Variants in ACAP2 observed in about 807,000 individuals in gnomAD.
The protein encoded by ACAP2 is arf-GAP with coiled-coil, ANK repeat and PH domain-containing protein 2.
A neutral mutation model predicts 115.8 loss-of-function variants in ACAP2; 39 were observed. The observed-to-expected ratio is 0.34, with a 90% confidence interval of 0.26 to 0.44. The LOEUF (loss-of-function observed/expected upper bound fraction) is 0.44. Among genes scored for constraint, ACAP2 ranks in the 20% least tolerant of loss-of-function variants. ACAP2 has a pLI of 1.00. For synonymous variants in ACAP2, 289 were observed against 315.8 expected (o/e 0.92, Z 0.90); for missense variants, 662 against 927.6 (o/e 0.71, Z 3.72).
intron 4 of ACAP2, among the ~76,000 whole-genome samples, chr3:195,350,649 G>GAAAA (rs201607071): frequency 7.6e-6 from 1 of 131,780 alleles, no homozygotes; most frequent in Non-Finnish European, 1.7e-5. Flanking sequence ...ACTGTCTCAG[G>GAAAA]AAAAAAAAAA....
chr3:195,384,652 G>A (rs976703194), intron 2 of ACAP2, among the ~76,000 whole-genome samples: 2 of 152,174 alleles, frequency 1.3e-5, no homozygotes, highest in East Asian at 1.9e-4. Context: ...GCCTGAACCC[G>A]GGAAGCAGAG....
intron 1 of ACAP2, among the ~76,000 whole-genome samples, chr3:195,438,282 C>T (rs1267076151): frequency 6.6e-6 from 1 of 151,884 alleles, no homozygotes; most frequent in Non-Finnish European, 1.5e-5. Context: ...CCCACCTCAG[C>T]CTCCCAAAGT....
intron 1 of ACAP2, among the ~76,000 whole-genome samples, chr3:195,394,633 G>C (rs762658807): frequency 1.3e-5 from 2 of 152,158 alleles, no homozygotes; most frequent in African/African-American, 4.8e-5. Flanking sequence ...CTGGCCAACA[G>C]AGCAAAAGCC....
chr3:195,365,872 C>T (rs991910072), intron 4 of ACAP2, among the ~76,000 whole-genome samples: 7 of 140,922 alleles, frequency 5.0e-5, no homozygotes, highest in Non-Finnish European at 7.6e-5. Context: ...ACAGTGTCTT[C>T]CTTTGCCGCC....
intron 13 of ACAP2, among the ~76,000 whole-genome samples, chr3:195,304,468 G>C (rs1577266314): frequency 6.6e-6 from 1 of 152,108 alleles, no homozygotes; most frequent in Non-Finnish European, 1.5e-5. Context: ...AGTATTAATA[G>C]GAGGAATGAT....
At chr3:195,403,854 G>C (rs1451438329) in intron 1 of ACAP2, among the ~76,000 whole-genome samples, 2 of 152,116 alleles carry the variant, frequency 1.3e-5, no homozygotes, top group Non-Finnish European at 2.9e-5. Context: ...GAGTTTAGGA[G>C]AGAAGTCTGA....
chr3:195,383,776 T>C (rs1166166067), intron 2 of ACAP2, among the ~76,000 whole-genome samples: 2 of 152,028 alleles, frequency 1.3e-5, no homozygotes, highest in Admixed American at 1.3e-4. Context: ...AAAGGGTATA[T>C]AAATCATTTT....
intron 17 of ACAP2, chr3:195,295,052 G>A (rs1727551715): frequency 2.4e-6 from 1 of 419,562 alleles, no homozygotes; most frequent in Admixed American, 3.6e-5. Context: ...TCCATAATAT[G>A]TCAGGGGTAG....
chr3:195,333,454 G>A (rs1052623861), intron 7 of ACAP2, among the ~76,000 whole-genome samples: 3 of 152,106 alleles, frequency 2.0e-5, no homozygotes, highest in Non-Finnish European at 2.9e-5. Context: ...TCCCACTTCC[G>A]CCTCCAAAAG....
Position 195,278,563 on chromosome 3 carries a change from G to A in ACAP2, c.*765C>T, listed in dbSNP as rs546768167. Reference sequence around the variant, plus strand: ...CCATCGATACATCTGTCAAGGTTTTGGGGAATCAACCCAACAATGAAGAAC... The same window carrying A: ...CCATCGATACATCTGTCAAGGTTTTAGGGAATCAACCCAACAATGAAGAAC... On this transcript the variant is annotated 3_prime_UTR_variant, in exon 23 of 23. Transcript: ENST00000326793. 3.3e-5 allele frequency: 5 copies of A among 151,434 alleles called. No homozygotes were observed. Among genetic ancestry groups the A allele is most frequent in the East Asian group, 1.9e-4 (1 of 5,166 alleles). 9.4% of individuals were successfully genotyped at this position (151,434 alleles called of 1,614,324 possible).
At chr3:195,352,471 T>C (rs1475706837) in intron 4 of ACAP2, among the ~76,000 whole-genome samples, 2 of 152,226 alleles carry the variant, frequency 1.3e-5, no homozygotes, top group African/African-American at 4.8e-5. Context: ...ACTTTAAAAA[T>C]AGTAAACATT....
rs577442850 is a variant in ACAP2 at position 195,280,427 on chromosome 3, G to A, written c.2237-999C>T. 9.9e-5 allele frequency among the ~76,000 whole-genome samples: 15 copies of A among 151,988 alleles called. No individual in the cohort carries two copies. In the East Asian group the frequency reaches 1.2e-3, roughly 12 times the overall value. On this transcript the variant is annotated intron_variant, in intron 22 of 22. Coordinates refer to ENST00000326793, the MANE Select transcript of ACAP2 (RefSeq NM_012287.6). ...GTGGAGGTTGCAGTGAGCTGAGATC[G>A]CACCACTGCACTCCAGCCTGGGCAA...
At chr3:195,316,194 G>T (rs965095619) in intron 10 of ACAP2, among the ~76,000 whole-genome samples, 7 of 147,218 alleles carry the variant, frequency 4.8e-5, no homozygotes, top group African/African-American at 1.5e-4. Context: ...GTCAAGCTGG[G>T]TTTTTTTTGT....
intron 21 of ACAP2, among the ~76,000 whole-genome samples, chr3:195,286,665 C>T (rs528324837): frequency 6.6e-6 from 1 of 152,320 alleles, no homozygotes; most frequent in African/African-American, 2.4e-5. Context: ...CCTTTATCTT[C>T]TCTCTCAACC....
chr3:195,430,650 G>A (rs578248605), intron 1 of ACAP2, among the ~76,000 whole-genome samples: 1 of 152,128 alleles, frequency 6.6e-6, no homozygotes, highest in African/African-American at 2.4e-5. Flanking sequence ...GGGAGGCAGA[G>A]GTTGCAGTGA....
At chr3:195,389,841 G>A (rs1361437047) in intron 2 of ACAP2, among the ~76,000 whole-genome samples, 2 of 152,200 alleles carry the variant, frequency 1.3e-5, no homozygotes. Flanking sequence ...CCAGTGGCAG[G>A]TGCTCCCCCA....
At chr3:195,391,694 T>C (rs1268165074) in intron 2 of ACAP2, among the ~76,000 whole-genome samples, 1 of 152,062 alleles carries the variant, frequency 6.6e-6, no homozygotes, top group African/African-American at 2.4e-5. Flanking sequence ...TTTACCCTCA[T>C]AGAGATAAAA....
intron 1 of ACAP2, among the ~76,000 whole-genome samples, chr3:195,426,929 C>T (rs6803477): frequency 0.27 from 40,415 of 151,674 alleles, 5,834 homozygotes; most frequent in East Asian, 0.54. Flanking sequence ...AATAATGCCC[C>T]CCGCCACCCG....
intron 10 of ACAP2, among the ~76,000 whole-genome samples, chr3:195,310,983 C>G (rs1728725882): frequency 6.6e-6 from 1 of 151,750 alleles, no homozygotes; most frequent in African/African-American, 2.4e-5. Flanking sequence ...ATTAAAAAAA[C>G]TAGTAACATT....
Sources: allele counts gnomAD v4.1 joint callset (sites outside exome capture counted in the v4.1 genomes callset), GRCh38; gene constraint gnomAD v4.1.1; transcripts MANE v1.5; gene names NCBI Gene and HGNC (gene_info 2026-07-23, HGNC 2026-07-21).